NRG3: variants seen among roughly 807,000 people sequenced by gnomAD.
The protein encoded by NRG3 is neuregulin 3.
NRG3 carries 31 observed loss-of-function variants against 66.9 expected under a neutral mutation model. The ratio of observed to expected loss-of-function variants is 0.46; its 90% CI spans 0.35 to 0.63. The LOEUF (loss-of-function observed/expected upper bound fraction) is 0.63, where lower values mean the gene tolerates loss of function less well. Among genes scored for constraint, NRG3 ranks in the 20% least tolerant of loss-of-function variants. The probability of loss-of-function intolerance (pLI) is 0.00; values close to 1 mark genes in which losing one functional copy is unlikely to be tolerated. For synonymous variants in NRG3, 393 were observed against 359.4 expected, an observed-to-expected ratio of 1.09 and a Z score of -1.06; for missense variants, 910 against 878.9, an observed-to-expected ratio of 1.04 and a Z score of -0.45.
intron 1 of NRG3, among the ~76,000 whole-genome samples, chr10:81,907,823 CT>C (rs1844739603): frequency 6.6e-6 from 1 of 152,150 alleles, no homozygotes; most frequent in Admixed American, 6.5e-5. Flanking sequence ...TGATACCCTT[CT>C]TCCAAAATTT....
intron 3 of NRG3, among the ~76,000 whole-genome samples, chr10:82,771,602 C>G (rs542011198): frequency 6.6e-4 from 101 of 152,250 alleles, no homozygotes; most frequent in African/African-American, 2.4e-3. Flanking sequence ...AACATTCTTA[C>G]TGCTTAGAGG....
At chr10:82,529,492 A>G (rs1435903795) in intron 2 of NRG3, among the ~76,000 whole-genome samples, 1 of 152,232 alleles carries the variant, frequency 6.6e-6, no homozygotes, top group African/African-American at 2.4e-5. Context: ...TATTTATTGT[A>G]TGGAATAAAT....
At chr10:82,968,064 C>A (rs1851372276) in intron 6 of NRG3, among the ~76,000 whole-genome samples, 1 of 152,222 alleles carries the variant, frequency 6.6e-6, no homozygotes, top group African/African-American at 2.4e-5. Context: ...TGCCCTTCAA[C>A]CTCAATTATC....
At chr10:82,036,798 G>C (rs7072061) in intron 1 of NRG3, among the ~76,000 whole-genome samples, 142,079 of 152,078 alleles carry the variant, frequency 0.93, 66,585 homozygotes, top group South Asian at 0.99. Flanking sequence ...ACCCATTCCT[G>C]TCCCGGCACT....
At chr10:82,904,800 A>C (rs917875015) in intron 4 of NRG3, among the ~76,000 whole-genome samples, 5 of 152,188 alleles carry the variant, frequency 3.3e-5, no homozygotes, top group Admixed American at 3.3e-4. Context: ...TAATGATGTC[A>C]ACAAAAATAG....
chr10:82,015,106 T>C (rs1011071806), intron 1 of NRG3, among the ~76,000 whole-genome samples: 9 of 152,180 alleles, frequency 5.9e-5, no homozygotes, highest in Admixed American at 2.0e-4. Flanking sequence ...AATCATCATA[T>C]AGTTTAAGAA....
At chr10:82,380,522 C>T (rs2085543700) in intron 2 of NRG3, among the ~76,000 whole-genome samples, 2 of 151,964 alleles carry the variant, frequency 1.3e-5, no homozygotes, top group South Asian at 4.1e-4. Flanking sequence ...ATGGATTTAG[C>T]AAGAAGTCAA....
chr10:81,886,017 G>A (rs1413128123), intron 1 of NRG3, among the ~76,000 whole-genome samples: 1 of 152,054 alleles, frequency 6.6e-6, no homozygotes, highest in Admixed American at 6.6e-5. Flanking sequence ...CACATTTCGG[G>A]TGTGGGGGAG....
At chr10:82,568,670 G>T (rs1387414328) in intron 2 of NRG3, among the ~76,000 whole-genome samples, 1 of 151,732 alleles carries the variant, frequency 6.6e-6, no homozygotes, top group Non-Finnish European at 1.5e-5. Context: ...CTAGCTCATT[G>T]TTAAGTGCTC....
chr10:82,672,559 G>A (rs2053366411), intron 2 of NRG3, among the ~76,000 whole-genome samples: 1 of 152,180 alleles, frequency 6.6e-6, no homozygotes, highest in African/African-American at 2.4e-5. Flanking sequence ...GGGTGATCAT[G>A]GTGGTGGGGA....
chr10:82,311,217 T>A (rs1444122398), intron 1 of NRG3, among the ~76,000 whole-genome samples: 1 of 152,214 alleles, frequency 6.6e-6, no homozygotes, highest in African/African-American at 2.4e-5. Context: ...GGAAGTGCGG[T>A]CATCTAGCAT....
At chr10:82,543,532 T>C (rs1205213506) in intron 2 of NRG3, among the ~76,000 whole-genome samples, 1 of 152,210 alleles carries the variant, frequency 6.6e-6, no homozygotes, top group Non-Finnish European at 1.5e-5. Context: ...GAAACTTTTT[T>C]TGAACTCATA....
chr10:82,969,776 C>A (rs1406897698), intron 6 of NRG3, among the ~76,000 whole-genome samples: 3 of 152,222 alleles, frequency 2.0e-5, no homozygotes, highest in Non-Finnish European at 4.4e-5. Flanking sequence ...TTAATAATTT[C>A]TTTTAACTTA....
At chr10:82,398,771 G>A (rs944162818) in intron 2 of NRG3, among the ~76,000 whole-genome samples, 10 of 152,174 alleles carry the variant, frequency 6.6e-5, no homozygotes, top group African/African-American at 2.4e-4. Flanking sequence ...GCAAACCTAT[G>A]GTAGTACCAA....
intron 1 of NRG3, among the ~76,000 whole-genome samples, chr10:81,913,999 A>G (rs77863446): frequency 0.019 from 2,870 of 152,306 alleles, 77 homozygotes; most frequent in African/African-American, 0.063. Context: ...ATCAAGCGGT[A>G]CAGCTATGCA....
At chr10:82,037,974 G>C (rs11192247) in intron 1 of NRG3, among the ~76,000 whole-genome samples, 6,601 of 128,306 alleles carry the variant, frequency 0.051, 485 homozygotes, top group African/African-American at 0.16. Flanking sequence ...TGTGGGGAGG[G>C]GGGAGAGAGA....
At chr10:82,174,477 C>T (rs186523589) in intron 1 of NRG3, among the ~76,000 whole-genome samples, 1 of 151,998 alleles carries the variant, frequency 6.6e-6, no homozygotes, top group Non-Finnish European at 1.5e-5. Flanking sequence ...CCTGGCCCTT[C>T]GCTCTGACAA....
chr10:82,398,247 T>G (rs2086842480), intron 2 of NRG3, among the ~76,000 whole-genome samples: 1 of 151,808 alleles, frequency 6.6e-6, no homozygotes, highest in Admixed American at 6.6e-5. Context: ...AGAAACCAAA[T>G]AGGAGCTAAC....
At chr10:82,478,782 G>C (rs1338863190) in intron 2 of NRG3, among the ~76,000 whole-genome samples, 1 of 152,262 alleles carries the variant, frequency 6.6e-6, no homozygotes, top group East Asian at 1.9e-4. Context: ...TATATGCCAC[G>C]CCAGTTGAAA....
Sources: gnomAD v4.1 joint callset for allele counts (sites outside exome capture counted in the v4.1 genomes callset) on GRCh38, gnomAD v4.1.1 for gene constraint, MANE v1.5 for transcripts, NCBI Gene and HGNC (gene_info 2026-07-23, HGNC 2026-07-21) for gene names.